Variants in CCDC73 observed in about 807,000 individuals in gnomAD.
CCDC73 encodes coiled-coil domain containing 73.
CCDC73 carries 95 observed loss-of-function variants against 116.5 expected under a neutral mutation model. That is an observed-to-expected ratio of 0.82 (90% CI 0.69 to 0.97). The LOEUF is 0.97. CCDC73 is among the 50% of genes least tolerant of loss of function. The pLI is 0.00. For synonymous variants in CCDC73, 398 were observed against 401.3 expected (o/e 0.99, Z 0.10); for missense variants, 1,066 against 1,206.8 (o/e 0.88, Z 1.73).
chr11:32,761,195 A>T (rs1803739265), intron 1 of CCDC73, among the ~76,000 whole-genome samples: 1 of 152,100 alleles, frequency 6.6e-6, no homozygotes, highest in African/African-American at 2.4e-5. Context: ...GAGTGCTCAT[A>T]AATGGAATCA....
At chr11:32,624,000 TACA>T (rs971735634) in intron 14 of CCDC73, among the ~76,000 whole-genome samples, 3 of 151,996 alleles carry the variant, frequency 2.0e-5, no homozygotes, top group Non-Finnish European at 2.9e-5. Flanking sequence ...TATAAACTGG[TACA>T]ACATTTCCGG....
the CCDC73 span, among the ~76,000 whole-genome samples, chr11:32,801,995 T>C: frequency 6.6e-6 from 1 of 152,220 alleles, no homozygotes; most frequent in Admixed American, 6.5e-5. Flanking sequence ...CATATTTTAT[T>C]GGATTATTAT....
the CCDC73 span, among the ~76,000 whole-genome samples, chr11:32,826,025 CA>C: frequency 6.6e-6 from 1 of 152,212 alleles, no homozygotes; most frequent in Non-Finnish European, 1.5e-5. Flanking sequence ...GATGACCCCT[CA>C]CACTGTTCTT....
chr11:32,696,738 T>A (rs1565078384), intron 6 of CCDC73, among the ~76,000 whole-genome samples: 1 of 152,094 alleles, frequency 6.6e-6, no homozygotes, highest in East Asian at 1.9e-4. Flanking sequence ...CTTCTCTTCT[T>A]ACACTCCATC....
At chr11:32,693,690 A>G (rs889814172) in intron 6 of CCDC73, among the ~76,000 whole-genome samples, 1 of 152,224 alleles carries the variant, frequency 6.6e-6, no homozygotes, top group African/African-American at 2.4e-5. Context: ...AACCAAATCC[A>G]GCAGCACATC....
intron 15 of CCDC73, among the ~76,000 whole-genome samples, chr11:32,615,509 T>C (rs912933661): frequency 1.3e-5 from 2 of 152,168 alleles, no homozygotes; most frequent in Non-Finnish European, 2.9e-5. Context: ...TATTCATCTA[T>C]ATTCTAACAA....
chr11:32,645,271 T>C (rs182242384), intron 12 of CCDC73, among the ~76,000 whole-genome samples: 1 of 143,862 alleles, frequency 7.0e-6, no homozygotes, highest in Admixed American at 7.2e-5. Context: ...CACAGTTAAC[T>C]TTTTTTTCTT....
At chr11:32,710,062 T>C (rs1849886012) in intron 3 of CCDC73, among the ~76,000 whole-genome samples, 1 of 152,232 alleles carries the variant, frequency 6.6e-6, no homozygotes, top group African/African-American at 2.4e-5. Flanking sequence ...CCCTGTTTCA[T>C]TTCTAGTTGA....
intron 13 of CCDC73, among the ~76,000 whole-genome samples, chr11:32,637,017 CTTTTTTTTTTT>C (rs71063750): frequency 1.1e-5 from 1 of 87,940 alleles, no homozygotes; most frequent in East Asian, 2.6e-4. Flanking sequence ...TTTTCTTTTT[CTTTTTTTTTTT>C]TTTTTTTTTG....
chr11:32,773,635 C>T (rs1443249135), intron 1 of CCDC73, among the ~76,000 whole-genome samples: 2 of 151,828 alleles, frequency 1.3e-5, no homozygotes, highest in Non-Finnish European at 2.9e-5. Context: ...CACACACACA[C>T]AAAGTCAGGC....
intron 17 of CCDC73, chr11:32,604,592 C>T (rs1855321290): frequency 1.3e-5 from 2 of 152,166 alleles, no homozygotes; most frequent in South Asian, 2.1e-4. Flanking sequence ...CTATGTTAAA[C>T]ATTTTTAGCA....
chr11:32,608,379 T>C (rs1018122619), intron 17 of CCDC73, among the ~76,000 whole-genome samples: 1 of 152,050 alleles, frequency 6.6e-6, no homozygotes, highest in Non-Finnish European at 1.5e-5. Context: ...ATGGGAGAAA[T>C]TGGCCAAAAC....
chr11:32,699,719 G>A lies in CCDC73; in HGVS notation c.316-394C>T, dbSNP rs1037804196. Among the ~76,000 whole-genome samples, 10 of 151,948 alleles carry A rather than the reference G, an allele frequency of 6.6e-5. 2 individuals are homozygous for A. Among genetic ancestry groups the A allele is most frequent in the Admixed American group, 4.6e-4 (7 of 15,256 alleles). On this transcript the variant is annotated intron_variant, in intron 5 of 17. Coordinates refer to ENST00000335185, the MANE Select transcript of CCDC73 (RefSeq NM_001008391.4). ...ACACAGAAGGGGAACATCACACACC[G>A]GGGCCTGTTGTGGGGTGGGGGGAGC...
At chr11:32,787,024 C>T (rs1453714290) in intron 1 of CCDC73, among the ~76,000 whole-genome samples, 1 of 152,146 alleles carries the variant, frequency 6.6e-6, no homozygotes, top group Non-Finnish European at 1.5e-5. Flanking sequence ...ACAAATGACA[C>T]TTTGACCTGA....
chr11:32,795,327 C>T (rs947830870), upstream of CCDC73, among the ~76,000 whole-genome samples: 2 of 151,748 alleles, frequency 1.3e-5, no homozygotes, highest in African/African-American at 4.8e-5. Flanking sequence ...AAAAATCAGC[C>T]GGGCATGGTG....
the CCDC73 span, chr11:32,830,462 G>C: frequency 1.5e-6 from 2 of 1,324,150 alleles, no homozygotes; most frequent in East Asian, 5.2e-5. Context: ...TCAAAGTGCT[G>C]AGCTAGGGGC....
chr11:32,815,338 CT>C, the CCDC73 span, among the ~76,000 whole-genome samples: 444 of 140,554 alleles, frequency 3.2e-3, no homozygotes, highest in Middle Eastern at 7.3e-3. Context: ...ATTATTTTTG[CT>C]TTTTTTTTTT....
intron 14 of CCDC73, among the ~76,000 whole-genome samples, chr11:32,633,438 G>T (rs1855650011): frequency 6.6e-6 from 1 of 152,074 alleles, no homozygotes; most frequent in African/African-American, 2.4e-5. Context: ...TACCCCAACT[G>T]GCTCTTTTGG....
At chr11:32,747,478 T>C (rs1312719246) in intron 2 of CCDC73, among the ~76,000 whole-genome samples, 4 of 152,192 alleles carry the variant, frequency 2.6e-5, no homozygotes, top group African/African-American at 9.7e-5. Flanking sequence ...CAGGCAGGGA[T>C]GTTTAAGTCT....
Sources: gnomAD v4.1 joint callset for allele counts (sites outside exome capture counted in the v4.1 genomes callset) on GRCh38, gnomAD v4.1.1 for gene constraint, MANE v1.5 for transcripts, NCBI Gene and HGNC (gene_info 2026-07-23, HGNC 2026-07-21) for gene names.